Variants in BNC2 observed in about 807,000 individuals in gnomAD.
BNC2 encodes basonuclin zinc finger protein 2, also known as zinc finger protein basonuclin-2.
In BNC2, 20 loss-of-function variants were observed where a neutral mutation model predicts 76.3. The ratio of observed to expected loss-of-function variants is 0.26; its 90% CI spans 0.18 to 0.38. The LOEUF (loss-of-function observed/expected upper bound fraction) is 0.38. Among genes scored for constraint, BNC2 ranks in the 10% least tolerant of loss-of-function variants. The pLI, the probability that BNC2 is intolerant of heterozygous loss-of-function variation, is 1.00. For synonymous variants in BNC2, 582 were observed against 514.8 expected (o/e 1.13, Z -1.77); for missense variants, 1,382 against 1,399.8 (o/e 0.99, Z 0.20).
intron 1 of BNC2, among the ~76,000 whole-genome samples, chr9:16,856,979 A>C (rs1167035923): frequency 6.6e-6 from 1 of 152,212 alleles, no homozygotes; most frequent in African/African-American, 2.4e-5. Context: ...CAACCACATA[A>C]GATGCCAAAT....
chr9:16,482,536 G>A (rs1822079336), intron 5 of BNC2, among the ~76,000 whole-genome samples: 1 of 152,166 alleles, frequency 6.6e-6, no homozygotes, highest in African/African-American at 2.4e-5. Flanking sequence ...TTGTAAGCTA[G>A]CACCGATGAA....
chr9:16,819,063 T>C (rs552267215), intron 1 of BNC2, among the ~76,000 whole-genome samples: 14 of 152,212 alleles, frequency 9.2e-5, no homozygotes, highest in Admixed American at 2.6e-4. Context: ...AAGAGGGACA[T>C]TGCATGAACC....
intron 5 of BNC2, among the ~76,000 whole-genome samples, chr9:16,474,395 G>A: frequency 6.6e-6 from 1 of 152,132 alleles, no homozygotes; most frequent in Non-Finnish European, 1.5e-5. Flanking sequence ...AAGTGTTCAA[G>A]GGCTATTTAG....
At chr9:16,585,280 T>C (rs1819737503) in intron 3 of BNC2, among the ~76,000 whole-genome samples, 1 of 152,162 alleles carries the variant, frequency 6.6e-6, no homozygotes, top group African/African-American at 2.4e-5. Context: ...AGTTTATGAT[T>C]CAAATATTTT....
intron 5 of BNC2, among the ~76,000 whole-genome samples, chr9:16,488,921 T>C (rs949023278): frequency 6.6e-6 from 1 of 152,140 alleles, no homozygotes; most frequent in Non-Finnish European, 1.5e-5. Flanking sequence ...CTATATTATG[T>C]TTCAGTCATT....
chr9:16,815,064 A>C (rs1191315167), intron 1 of BNC2, among the ~76,000 whole-genome samples: 1 of 152,222 alleles, frequency 6.6e-6, no homozygotes, highest in Non-Finnish European at 1.5e-5. Context: ...TAATAATGAT[A>C]TATAATCAGC....
chr9:16,719,566 T>C (rs569467093), intron 3 of BNC2, among the ~76,000 whole-genome samples: 31 of 152,288 alleles, frequency 2.0e-4, no homozygotes, highest in African/African-American at 7.2e-4. Context: ...CTTAATAAAG[T>C]TGAAAAATTC....
chr9:16,770,721 C>T (rs929259889), intron 1 of BNC2, among the ~76,000 whole-genome samples: 12 of 151,814 alleles, frequency 7.9e-5, no homozygotes, highest in Admixed American at 6.6e-4. Flanking sequence ...AAAAATTAGC[C>T]AGGCATGGTA....
chr9:16,636,967 T>C (rs1317886376), intron 3 of BNC2, among the ~76,000 whole-genome samples: 1 of 151,856 alleles, frequency 6.6e-6, no homozygotes, highest in Non-Finnish European at 1.5e-5. Flanking sequence ...GCTCACATAG[T>C]GCTTTCCTAG....
rs977001312 is a variant in BNC2, at chr9:16,870,545, G to C, written c.3+101C>G. The C allele has an allele frequency of 1.2e-5, 17 of 1,397,522 alleles. No homozygotes were observed. The African/African-American group carries it at 2.2e-4, about 18-fold the overall frequency. The allele number at this position is 1,397,522 out of a possible 1,614,324, so 86.6% of individuals were successfully genotyped here. On this transcript the variant is annotated intron_variant, in intron 1 of 6. Transcript: ENST00000380672. ...CTTGCCCCTCACGCCGCGGGCCGGA[G>C]GGCGGACACGGCCCCCGGGCGGCCC...
intron 5 of BNC2, among the ~76,000 whole-genome samples, chr9:16,501,823 T>C (rs1355366452): frequency 6.6e-6 from 1 of 152,192 alleles, no homozygotes; most frequent in Admixed American, 6.5e-5. Flanking sequence ...AAGGTCTATG[T>C]TACCCTGACC....
chr9:16,852,801 G>A (rs200485184), intron 1 of BNC2, among the ~76,000 whole-genome samples: 2 of 151,572 alleles, frequency 1.3e-5, no homozygotes, highest in African/African-American at 4.9e-5. Flanking sequence ...GCAAAAGTGT[G>A]AAAAAAAAGA....
intron 4 of BNC2, among the ~76,000 whole-genome samples, chr9:16,570,719 C>A (rs184089853): frequency 6.6e-6 from 1 of 151,860 alleles, no homozygotes; most frequent in Non-Finnish European, 1.5e-5. Flanking sequence ...ATAGGGAAAC[C>A]TAAAGTTACC....
At chr9:16,604,700 A>T (rs1820333606) in intron 3 of BNC2, among the ~76,000 whole-genome samples, 1 of 152,100 alleles carries the variant, frequency 6.6e-6, no homozygotes, top group Non-Finnish European at 1.5e-5. Flanking sequence ...AGCTACTTGG[A>T]GGCTGAGGCA....
chr9:16,664,536 T>A (rs369624164), intron 3 of BNC2, among the ~76,000 whole-genome samples: 1 of 152,132 alleles, frequency 6.6e-6, no homozygotes, highest in East Asian at 1.9e-4. Flanking sequence ...TCTGGCCTTG[T>A]AGGAAGCAAC....
chr9:16,789,555 T>C (rs1817442848), intron 1 of BNC2, among the ~76,000 whole-genome samples: 1 of 152,140 alleles, frequency 6.6e-6, no homozygotes, highest in Admixed American at 6.5e-5. Context: ...AACGCAGCTT[T>C]TCCAGATTAA....
At chr9:16,632,687 C>A (rs1485304607) in intron 3 of BNC2, among the ~76,000 whole-genome samples, 1 of 152,234 alleles carries the variant, frequency 6.6e-6, no homozygotes, top group Non-Finnish European at 1.5e-5. Context: ...TCACCCATTA[C>A]ACTGAGTACA....
Position 16,810,137 on chromosome 9 carries a change from G to C in BNC2, c.3+60509C>G, listed in dbSNP as rs192423484. Among the ~76,000 whole-genome samples, 434 of 152,256 alleles carry C rather than the reference G, an allele frequency of 2.9e-3. 2 individuals are homozygous for C. Among genetic ancestry groups the C allele is most frequent in the African/African-American group, 0.01 (416 of 41,550 alleles). Reference sequence around the variant, plus strand: ...TGTAAAGCCACTAAGGTAACTTATGGTTAAAAACTTGCTTTGCTTTATAAA... The same window carrying C: ...TGTAAAGCCACTAAGGTAACTTATGCTTAAAAACTTGCTTTGCTTTATAAA... On this transcript the variant is annotated intron_variant, in intron 1 of 6. Transcript: ENST00000380672.
chr9:16,579,329 T>C (rs1005532153), intron 4 of BNC2, among the ~76,000 whole-genome samples: 1 of 152,002 alleles, frequency 6.6e-6, no homozygotes, highest in Non-Finnish European at 1.5e-5. Flanking sequence ...GTCACCCAGA[T>C]TGGAATGTGG....
Sources: allele counts gnomAD v4.1 joint callset (sites outside exome capture counted in the v4.1 genomes callset), GRCh38; gene constraint gnomAD v4.1.1; transcripts MANE v1.5; gene names NCBI Gene and HGNC (gene_info 2026-07-23, HGNC 2026-07-21).